The following MAP6 variants were observed in gnomAD, a reference collection of about 807,000 sequenced individuals.
The protein encoded by MAP6 is microtubule associated protein 6, also known as microtubule-associated protein 6.
A neutral mutation model predicts 42.4 loss-of-function variants in MAP6; 26 were observed. The ratio of observed to expected loss-of-function variants is 0.61; its 90% CI spans 0.45 to 0.85. The LOEUF (loss-of-function observed/expected upper bound fraction) is 0.85. Ranked by LOEUF, MAP6 falls within the 40% of genes least tolerant of loss-of-function variation. The pLI, the probability that MAP6 is intolerant of heterozygous loss-of-function variation, is 0.00. For missense variants in MAP6, 966 were observed against 1,099.0 expected (o/e 0.88, Z 1.71); for synonymous variants, 418 against 443.8 (o/e 0.94, Z 0.73).
At chr11:75,659,374 C>T (rs1250105402) in intron 1 of MAP6, among the ~76,000 whole-genome samples, 3 of 152,020 alleles carry the variant, frequency 2.0e-5, no homozygotes, top group East Asian at 1.9e-4. Context: ...CCCAGCTACT[C>T]GGAAGGCTGA....
chr11:75,587,083 C>T lies in MAP6; in HGVS notation c.2418G>A (p.Thr806=), dbSNP rs138750180. ...GTCAAGGGGAGCTCTCAATGTATTCCGTATGGGGGGCAGTTGGGATCATGA... is the reference window on the plus strand; with the variant it reads ...GTCAAGGGGAGCTCTCAATGTATTCTGTATGGGGGGCAGTTGGGATCATGA... ...PRVMIPTAPH[T]EYIESSP The change falls in exon 4 of 4, where the codon ACG becomes ACA. Residue 806 remains threonine (T), a synonymous_variant. Transcript: ENST00000304771. The T allele has an allele frequency of 8.0e-5, 128 of 1,598,784 alleles. No individual in the cohort carries two copies. Among genetic ancestry groups the T allele is most frequent in the Non-Finnish European group, 9.8e-5 (115 of 1,170,386 alleles).
At chr11:75,645,718 T>G (rs781421530) in intron 1 of MAP6, among the ~76,000 whole-genome samples, 5 of 152,018 alleles carry the variant, frequency 3.3e-5, no homozygotes, top group Admixed American at 2.0e-4. Context: ...TAGGACATGA[T>G]GAAGAATACA....
chr11:75,655,106 T>C (rs950047922), intron 1 of MAP6, among the ~76,000 whole-genome samples: 2 of 152,244 alleles, frequency 1.3e-5, no homozygotes, highest in Non-Finnish European at 1.5e-5. Flanking sequence ...ACAGGGGTCA[T>C]GTGCTCTTCA....
At position 75,657,110 on chromosome 11, in the gene MAP6, A is replaced by ATT. The variant is rs60988687; in HGVS notation, c.905+10353_905+10354dup. Reference sequence around the variant, plus strand: ...GCTTTTGGCAATGTGTGGAGACACTATTTTTTTTTTTTTTTTTTTGAGACG... The same window carrying ATT: ...GCTTTTGGCAATGTGTGGAGACACTATTTTTTTTTTTTTTTTTTTTTGAGACG... On this transcript the variant is annotated intron_variant, in intron 1 of 3. Transcript: ENST00000304771. Among the ~76,000 whole-genome samples the ATT allele has an allele frequency of 4.7e-4, 58 of 123,302 alleles. 1 individual carries two copies. Among genetic ancestry groups the ATT allele is most frequent in the Non-Finnish European group, 6.2e-4 (35 of 56,722 alleles). 80.9% of individuals were successfully genotyped at this position (123,302 alleles called of 152,430 possible). A position where few individuals can be genotyped will look rare whatever the true frequency, so the allele number is the denominator to read the frequency against.
intron 1 of MAP6, among the ~76,000 whole-genome samples, chr11:75,657,748 GGAC>G (rs1258109616): frequency 1.3e-5 from 2 of 152,056 alleles, no homozygotes; most frequent in Non-Finnish European, 2.9e-5. Context: ...ACATTCCTTG[GGAC>G]GTGTCCTTCC....
At chr11:75,625,527 C>T (rs980052101) in intron 1 of MAP6, among the ~76,000 whole-genome samples, 1 of 152,142 alleles carries the variant, frequency 6.6e-6, no homozygotes, top group Non-Finnish European at 1.5e-5. Context: ...GCAGGGACCT[C>T]CCCTCATTCT....
intron 1 of MAP6, among the ~76,000 whole-genome samples, chr11:75,653,001 C>T (rs1378401195): frequency 6.6e-6 from 1 of 152,114 alleles, no homozygotes; most frequent in Non-Finnish European, 1.5e-5. Context: ...ACTTCTCTCC[C>T]ACCCATATTA....
intron 3 of MAP6, chr11:75,594,289 A>AGT (rs1942533851): frequency 6.6e-6 from 1 of 152,226 alleles, no homozygotes; most frequent in Non-Finnish European, 1.5e-5. Context: ...GGACAGAGAC[A>AGT]GTGTGATTCC....
rs779927234 is a variant in MAP6 at position 75,587,726 on chromosome 11, A to G, written c.1775T>C (p.Val592Ala). Residue 592 changes from valine (V) to alanine (A), a missense_variant, in exon 4 of 4, where the codon GTC (valine) becomes GCC (alanine). Transcript: ENST00000304771. Reference protein sequence around the residue: ...KDEGPMVSASVKDQGPMVSAP... With the variant: ...KDEGPMVSASAKDQGPMVSAP... ...TGAGACCATGGGACCTTGATCCTTG[A>G]CAGATGCTGAGACCATGGGACCTTC... 24 of 1,608,984 alleles carry G rather than the reference A, an allele frequency of 1.5e-5. No homozygotes were observed. The highest frequency in any genetic ancestry group is 2.0e-5 in the Non-Finnish European group (23 of 1,177,042).
chr11:75,665,466 T>A (rs773348669), intron 1 of MAP6, among the ~76,000 whole-genome samples: 1 of 152,186 alleles, frequency 6.6e-6, no homozygotes, highest in Non-Finnish European at 1.5e-5. Context: ...ATTGACTGCA[T>A]GGTGGTGAGA....
At chr11:75,632,673 C>G (rs1464576506) in intron 1 of MAP6, among the ~76,000 whole-genome samples, 1 of 152,064 alleles carries the variant, frequency 6.6e-6, no homozygotes, top group African/African-American at 2.4e-5. Flanking sequence ...ATTCTCTGGA[C>G]TAGGGAATTG....
At chr11:75,642,904 C>A in intron 1 of MAP6, 1 of 491,894 alleles carries the variant, frequency 2.0e-6, no homozygotes, top group Non-Finnish European at 4.2e-6. Context: ...TCAAGCATTT[C>A]AATGATTAGT....
chr11:75,621,517 GT>G (rs1943111291), intron 1 of MAP6, among the ~76,000 whole-genome samples: 1 of 152,108 alleles, frequency 6.6e-6, no homozygotes, highest in Non-Finnish European at 1.5e-5. Context: ...TTCTGTGACA[GT>G]CATAGTCAGT....
At chr11:75,635,268 T>A (rs1943349756) in intron 1 of MAP6, among the ~76,000 whole-genome samples, 1 of 152,160 alleles carries the variant, frequency 6.6e-6, no homozygotes, top group South Asian at 2.1e-4. Flanking sequence ...ATCTTGGGCT[T>A]GTGACAGGAC....
Position 75,668,621 on chromosome 11 carries a change from G to T in MAP6, c.-252C>A. On this transcript the variant is annotated 5_prime_UTR_variant, in exon 1 of 4. Coordinates refer to ENST00000304771, the MANE Select transcript of MAP6 (RefSeq NM_033063.2). Reference sequence around the variant, plus strand: ...GCGCAGTCTGCTGCGAGCGCCGAAGGGTGAGACGCACGGCGTTCCCGAGTC... The same window carrying T: ...GCGCAGTCTGCTGCGAGCGCCGAAGTGTGAGACGCACGGCGTTCCCGAGTC... The T allele has an allele frequency of 2.9e-6, 1 of 348,022 alleles. No individual in the cohort carries two copies. The highest frequency in any genetic ancestry group is 4.8e-5 in the East Asian group (1 of 20,760). 21.6% of individuals were successfully genotyped at this position (348,022 alleles called of 1,614,324 possible). A position where few individuals can be genotyped will look rare whatever the true frequency, so the allele number is the denominator to read the frequency against.
intron 1 of MAP6, among the ~76,000 whole-genome samples, chr11:75,665,935 T>TG (rs1565284863): frequency 6.6e-6 from 1 of 152,034 alleles, no homozygotes; most frequent in Admixed American, 6.5e-5. Flanking sequence ...GGGTAGGAGT[T>TG]GGGGGACAGA....
intron 3 of MAP6, among the ~76,000 whole-genome samples, chr11:75,598,188 A>G (rs553344703): frequency 1.2e-4 from 19 of 152,358 alleles, no homozygotes; most frequent in Admixed American, 5.2e-4. Flanking sequence ...TCGAAGAGTG[A>G]TCGATATTTG....
At chr11:75,604,515 G>C in intron 3 of MAP6, 1 of 985,448 alleles carries the variant, frequency 1.0e-6, no homozygotes. Flanking sequence ...AGGAGATACA[G>C]AGTGTGCTGA....
intron 3 of MAP6, among the ~76,000 whole-genome samples, chr11:75,591,219 A>G (rs539514214): frequency 4.3e-4 from 65 of 152,140 alleles, no homozygotes; most frequent in African/African-American, 1.6e-3. Context: ...TTTAATCTTA[A>G]TTTATTTAAA....
Sources: gnomAD v4.1 joint callset for allele counts (sites outside exome capture counted in the v4.1 genomes callset) on GRCh38, gnomAD v4.1.1 for gene constraint, MANE v1.5 for transcripts, NCBI Gene and HGNC (gene_info 2026-07-23, HGNC 2026-07-21) for gene names.